AFM: variants seen among roughly 807,000 people sequenced by gnomAD.
The protein encoded by AFM is alpha-Alb.
AFM carries 82 observed loss-of-function variants against 68.7 expected under a neutral mutation model. The ratio of observed to expected loss-of-function variants is 1.19; its 90% CI spans 1.00 to 1.43. The LOEUF is 1.43. Ranked by LOEUF, AFM falls within the 40% of genes most tolerant of loss-of-function variation. AFM has a pLI of 0.00. For synonymous variants in AFM, 250 were observed against 234.2 expected, an observed-to-expected ratio of 1.07 and a Z score of -0.61; for missense variants, 772 against 701.8, an observed-to-expected ratio of 1.10 and a Z score of -1.13.
rs559027311 is a variant in AFM, at chr4:73,491,747, T to C, written c.844-125T>C. The C allele has an allele frequency of 3.0e-5, 25 of 839,066 alleles. 1 individual carries two copies. The African/African-American group carries it at 3.5e-4, about 12-fold the overall frequency. The allele number at this position is 839,066 out of a possible 1,614,324, so 52.0% of individuals were successfully genotyped here. A position where few individuals can be genotyped will look rare whatever the true frequency, so the allele number is the denominator to read the frequency against. On this transcript the variant is annotated intron_variant, in intron 7 of 14. Coordinates refer to ENST00000226355, the MANE Select transcript of AFM (RefSeq NM_001133.2). ...AAATTTAATTCAAACAAATATTATC[T>C]AGCAAATTAATTGATGAAGTGATTC... is the stretch of plus-strand genomic sequence containing the variant.
chr4:73,484,313 A>G lies in AFM; in HGVS notation c.193A>G (p.Lys65Glu), dbSNP rs1198592551. 1 of 1,613,418 alleles carries G rather than the reference A, an allele frequency of 6.2e-7. No homozygotes were observed. The highest frequency in any genetic ancestry group is 1.3e-5 in the African/African-American group (1 of 74,892). ...GGAAGCAACCTTTGAAGAAATGGAA[A>G]AGCTGGTGAAAGACATGGTAGAATA... ...VQEATFEEME[K>E]LVKDMVEYKD... The change falls in exon 3 of 15, where the codon AAG becomes GAG. Residue 65 changes from lysine to glutamate, a missense_variant. Transcript: ENST00000226355.
intron 8 of AFM, chr4:73,495,036 C>G (rs1577978676): frequency 4.0e-6 from 1 of 251,108 alleles, no homozygotes; most frequent in African/African-American, 2.2e-5. Context: ...TTAAATCATT[C>G]CAATAATTAG....
At chr4:73,487,176 A>C in intron 5 of AFM, 77 bp downstream of exon 5, 1 of 1,491,710 alleles carries the variant, frequency 6.7e-7, no homozygotes, top group Non-Finnish European at 9.2e-7. Context: ...CTTATATTAT[A>C]GCAAAAGGCT....
At chr4:73,488,517 A>G in intron 6 of AFM, 113 bp from the exon 7 acceptor site, 4 of 876,920 alleles carry the variant, frequency 4.6e-6, no homozygotes, top group South Asian at 1.9e-5. Flanking sequence ...AACAACAACA[A>G]CAGCAATGGT....
intron 11 of AFM, 136 bp from the exon 12 acceptor site, chr4:73,499,868 A>G (rs1721378411): frequency 1.4e-6 from 1 of 701,582 alleles, no homozygotes; most frequent in Non-Finnish European, 2.4e-6. Flanking sequence ...ATATAGGGAT[A>G]TGTCATGAGT....
intron 9 of AFM, 120 bp downstream of exon 9, chr4:73,495,552 C>T: frequency 1.6e-6 from 2 of 1,236,492 alleles, no homozygotes; most frequent in Non-Finnish European, 2.2e-6. Context: ...TAATCTGAGT[C>T]CACTGTAGAT....
At chr4:73,498,104 T>C (rs1214517257) in intron 10 of AFM, among the ~76,000 whole-genome samples, 1 of 152,204 alleles carries the variant, frequency 6.6e-6, no homozygotes, top group Non-Finnish European at 1.5e-5. Context: ...GAAGAGATAG[T>C]TTGCCTTGCC....
chr4:73,497,568 G>T (rs1318273097), intron 9 of AFM, 84 bp from the exon 10 acceptor site: 2 of 783,352 alleles, frequency 2.6e-6, no homozygotes, highest in Admixed American at 3.5e-5. Flanking sequence ...ATAGAAATAA[G>T]AAATGCTATT....
rs1721417036 is a variant in AFM, at chr4:73,501,351, C to T, written c.1647-436C>T. Among the ~76,000 whole-genome samples, 3 of 151,946 alleles carry T rather than the reference C, an allele frequency of 2.0e-5. No individual in the cohort carries two copies. In the South Asian group the frequency reaches 6.2e-4, roughly 32 times the overall value. ...GATCAAGTCAGGGTAATTGGAATGT[C>T]CATCATCTAAAACATTTATCTTTTC... On this transcript the variant is annotated intron_variant, in intron 12 of 14. Coordinates refer to ENST00000226355, the MANE Select transcript of AFM (RefSeq NM_001133.2).
chr4:73,491,407 T>C (rs1031211188), intron 7 of AFM, among the ~76,000 whole-genome samples: 2 of 152,246 alleles, frequency 1.3e-5, no homozygotes, highest in African/African-American at 4.8e-5. Context: ...GTTCACTCAC[T>C]TGTCATTCTT....
chr4:73,497,522 C>A, intron 9 of AFM, 130 bp from the exon 10 acceptor site: 2 of 460,312 alleles, frequency 4.3e-6, no homozygotes, highest in Non-Finnish European at 7.2e-6. Flanking sequence ...AAAAAGTGCC[C>A]TGAATTTAGT....
intron 10 of AFM, among the ~76,000 whole-genome samples, 156 bp from the exon 11 acceptor site, chr4:73,498,958 G>A (rs570817407): frequency 6.6e-6 from 1 of 152,260 alleles, no homozygotes; most frequent in South Asian, 2.1e-4. Flanking sequence ...AAAACAGGAA[G>A]TAAAGACATA....
At chr4:73,483,088 C>G (rs1010741761) in intron 1 of AFM, among the ~76,000 whole-genome samples, 1 of 152,140 alleles carries the variant, frequency 6.6e-6, no homozygotes, top group East Asian at 1.9e-4. Context: ...CTCAAGATTT[C>G]TTAATGCATT....
intron 6 of AFM, 36 bp from the exon 7 acceptor site, chr4:73,488,594 C>A (rs1720978676): frequency 6.3e-7 from 1 of 1,580,866 alleles, no homozygotes; most frequent in South Asian, 1.1e-5. Flanking sequence ...ACTTGCTGTT[C>A]AAATTATTTT....
At chr4:73,494,059 A>AGG (rs369834956) in intron 8 of AFM, among the ~76,000 whole-genome samples, 10 of 41,342 alleles carry the variant, frequency 2.4e-4, no homozygotes, top group Admixed American at 4.1e-4. Flanking sequence ...ACATGTTTTT[A>AGG]GGTGTGTGTG....
intron 13 of AFM, among the ~76,000 whole-genome samples, chr4:73,502,800 C>T (rs1309186885): frequency 1.2e-4 from 19 of 152,088 alleles, no homozygotes; most frequent in Non-Finnish European, 1.8e-4. Context: ...GGATATTAAT[C>T]AATATCTAGC....
At position 73,503,906 on chromosome 4, in the gene AFM, C is replaced by T. The variant is rs999841307; in HGVS notation, c.*71C>T. 1.3e-5 allele frequency: 2 copies of T among 152,090 alleles called. No homozygotes were observed. Among genetic ancestry groups the T allele is most frequent in the Non-Finnish European group, 2.9e-5 (2 of 68,018 alleles). The allele number at this position is 152,090 out of a possible 1,614,324, so 9.4% of individuals were successfully genotyped here. ...GCTTCCTATCTGTGTGGTGATGAAT[C>T]GCATTTCCTGAGAACAAAATAAAAG... On this transcript the variant is annotated 3_prime_UTR_variant, in exon 15 of 15. Coordinates refer to ENST00000226355, the MANE Select transcript of AFM (RefSeq NM_001133.2).
intron 3 of AFM, among the ~76,000 whole-genome samples, 199 bp downstream of exon 3, chr4:73,484,589 T>G (rs1339619597): frequency 6.6e-6 from 1 of 151,514 alleles, no homozygotes; most frequent in Admixed American, 6.6e-5. Context: ...CAGGCTGGAG[T>G]GCAGTGGCAA....
chr4:73,500,110 T>C lies in AFM; in HGVS notation c.1529T>C (p.Phe510Ser), dbSNP rs1721386982. 1 of 1,614,100 alleles carries C rather than the reference T, an allele frequency of 6.2e-7. No homozygotes were observed. The highest frequency in any genetic ancestry group is 1.3e-5 in the African/African-American group (1 of 75,062). Reference sequence around the variant, plus strand: ...AACTTTGCCTTCAGAAGGCCCTGCTTTGAGAGTTTGAAAGCTGATAAAACA... The same window carrying C: ...AACTTTGCCTTCAGAAGGCCCTGCTCTGAGAGTTTGAAAGCTGATAAAACA... The part of the protein sequence containing the change: ...KTNFAFRRPC[F>S]ESLKADKTYV... Residue 510 changes from phenylalanine to serine, a missense_variant, in exon 12 of 15, where the codon TTT (phenylalanine) becomes TCT (serine). Physicochemically the swap from Phe to Ser is radical, Grantham distance 155 (BLOSUM62 -2). Coordinates refer to ENST00000226355, the MANE Select transcript of AFM (RefSeq NM_001133.2).
Sources: allele counts gnomAD v4.1 joint callset (sites outside exome capture counted in the v4.1 genomes callset), GRCh38; gene constraint gnomAD v4.1.1; transcripts MANE v1.5; gene names NCBI Gene and HGNC (gene_info 2026-07-23, HGNC 2026-07-21).